The following MARCHF1 variants were observed in gnomAD, a reference collection of about 807,000 sequenced individuals.
MARCHF1 encodes the protein membrane associated ring-CH-type finger 1, also known as E3 ubiquitin-protein ligase MARCHF1.
MARCHF1 carries 40 observed loss-of-function variants against 54.2 expected under a neutral mutation model. The observed-to-expected ratio is 0.74, with a 90% CI of 0.57 to 0.96. The LOEUF (loss-of-function observed/expected upper bound fraction) is 0.96. Ranked by LOEUF, MARCHF1 falls within the 40% of genes least tolerant of loss-of-function variation. The probability of loss-of-function intolerance (pLI) is 0.00; values close to 1 mark genes in which losing one functional copy is unlikely to be tolerated. For synonymous variants in MARCHF1, 236 were observed against 236.3 expected (o/e 1.00, Z 0.01); for missense variants, 586 against 656.5 (o/e 0.89, Z 1.17).
At chr4:163,948,720 A>G (rs1752071120) in intron 3 of MARCHF1, among the ~76,000 whole-genome samples, 1 of 152,232 alleles carries the variant, frequency 6.6e-6, no homozygotes, top group Non-Finnish European at 1.5e-5. Context: ...CACTTCAGTT[A>G]TTAGGTAAAA....
chr4:164,245,612 G>A (rs964696482), intron 1 of MARCHF1, among the ~76,000 whole-genome samples: 5 of 151,842 alleles, frequency 3.3e-5, no homozygotes, highest in Admixed American at 1.3e-4. Context: ...CAATCAGGCA[G>A]GAGAAGGAAA....
At chr4:164,017,129 C>T in intron 2 of MARCHF1, among the ~76,000 whole-genome samples, 1 of 151,790 alleles carries the variant, frequency 6.6e-6, no homozygotes, top group East Asian at 1.9e-4. Context: ...TTCCTTTATA[C>T]TAAGGACCTT....
intron 3 of MARCHF1, among the ~76,000 whole-genome samples, chr4:163,949,558 C>T (rs1436575479): frequency 1.3e-5 from 2 of 152,196 alleles, no homozygotes; most frequent in Non-Finnish European, 2.9e-5. Context: ...TGTCTTGTGT[C>T]CAGAAAGAAT....
chr4:164,050,970 G>A (rs1056448211), intron 2 of MARCHF1, among the ~76,000 whole-genome samples: 8 of 151,866 alleles, frequency 5.3e-5, no homozygotes, highest in Non-Finnish European at 1.0e-4. Flanking sequence ...AATAATATCC[G>A]TGAGATCACA....
At chr4:163,889,357 G>A (rs764907478) in intron 3 of MARCHF1, among the ~76,000 whole-genome samples, 2 of 152,102 alleles carry the variant, frequency 1.3e-5, no homozygotes, top group Non-Finnish European at 2.9e-5. Context: ...ACAAGTCATA[G>A]TCCTGGAGCC....
intron 8 of MARCHF1, among the ~76,000 whole-genome samples, chr4:163,569,885 C>A (rs529715169): frequency 6.6e-6 from 1 of 152,102 alleles, no homozygotes; most frequent in Non-Finnish European, 1.5e-5. Flanking sequence ...TGCAAATGAA[C>A]GCCTGGAGCA....
chr4:164,072,704 TAAAA>T (rs3029712), intron 2 of MARCHF1, among the ~76,000 whole-genome samples: 7,192 of 136,374 alleles, frequency 0.053, 530 homozygotes, highest in African/African-American at 0.18. Flanking sequence ...TTTTCTCTAG[TAAAA>T]AAAAAAAAAA....
intron 2 of MARCHF1, among the ~76,000 whole-genome samples, chr4:164,003,112 G>T (rs1753217913): frequency 6.6e-6 from 1 of 151,838 alleles, no homozygotes; most frequent in Non-Finnish European, 1.5e-5. Context: ...CATGATGTAT[G>T]CTATCTGTGC....
At chr4:164,029,568 C>CAT (rs70948691) in intron 2 of MARCHF1, among the ~76,000 whole-genome samples, 78,494 of 151,076 alleles carry the variant, frequency 0.52, 22,124 homozygotes, top group Non-Finnish European at 0.63. Context: ...ATTAAATTGA[C>CAT]ATATATATAT....
At chr4:164,091,367 A>T (rs1278494783) in intron 2 of MARCHF1, among the ~76,000 whole-genome samples, 1 of 148,830 alleles carries the variant, frequency 6.7e-6, no homozygotes, top group African/African-American at 2.4e-5. Flanking sequence ...AATTACAAAC[A>T]TATGTAAAAA....
chr4:163,983,305 T>C (rs1463919210), intron 3 of MARCHF1, among the ~76,000 whole-genome samples: 8 of 152,194 alleles, frequency 5.3e-5, no homozygotes, highest in African/African-American at 1.7e-4. Context: ...AGTTATCTAC[T>C]CAAGATTAAG....
chr4:164,206,198 A>G (rs1731601040), intron 1 of MARCHF1, among the ~76,000 whole-genome samples: 1 of 152,172 alleles, frequency 6.6e-6, no homozygotes, highest in African/African-American at 2.4e-5. Context: ...GCACTTTGGG[A>G]GGCTCAGGCA....
At chr4:164,019,737 T>C (rs147481689) in intron 2 of MARCHF1, among the ~76,000 whole-genome samples, 1 of 152,140 alleles carries the variant, frequency 6.6e-6, no homozygotes, top group East Asian at 1.9e-4. Flanking sequence ...AACACTGAGC[T>C]CCCAATTCAT....
intron 3 of MARCHF1, among the ~76,000 whole-genome samples, chr4:163,981,086 A>G (rs1752752879): frequency 6.6e-6 from 1 of 152,082 alleles, no homozygotes; most frequent in South Asian, 2.1e-4. Flanking sequence ...TATCTCACAC[A>G]TGAGCTTCAT....
chr4:164,348,178 A>G (rs1312156325), intron 1 of MARCHF1, among the ~76,000 whole-genome samples: 1 of 149,424 alleles, frequency 6.7e-6, no homozygotes, highest in Non-Finnish European at 1.5e-5. Context: ...TCAAAAGAGT[A>G]TGCTTCTTTT....
chr4:163,729,326 C>G (rs534550193), intron 4 of MARCHF1, among the ~76,000 whole-genome samples: 6 of 152,078 alleles, frequency 3.9e-5, no homozygotes, highest in Non-Finnish European at 7.4e-5. Context: ...CTCTCTACTT[C>G]TATCTCCTGG....
chr4:163,916,318 C>A (rs1560818159), intron 3 of MARCHF1, among the ~76,000 whole-genome samples: 1 of 139,492 alleles, frequency 7.2e-6, no homozygotes, highest in Non-Finnish European at 1.5e-5. Context: ...CCTTTTTAAT[C>A]CAATGCCTAG....
intron 3 of MARCHF1, among the ~76,000 whole-genome samples, chr4:163,927,722 T>C (rs1751566291): frequency 6.6e-6 from 1 of 151,784 alleles, no homozygotes; most frequent in Non-Finnish European, 1.5e-5. Flanking sequence ...ATAGAATGTC[T>C]ATGGACTCTT....
chr4:163,843,684 C>T (rs1000579725), intron 4 of MARCHF1, among the ~76,000 whole-genome samples: 1 of 152,072 alleles, frequency 6.6e-6, no homozygotes, highest in African/African-American at 2.4e-5. Context: ...CCCTAATTCT[C>T]TCCCCCTGCC....
Sources: gnomAD v4.1 joint callset for allele counts (sites outside exome capture counted in the v4.1 genomes callset) on GRCh38, gnomAD v4.1.1 for gene constraint, MANE v1.5 for transcripts, NCBI Gene and HGNC (gene_info 2026-07-23, HGNC 2026-07-21) for gene names.